The following ABCB5 variants were observed in gnomAD, a reference collection of about 807,000 sequenced individuals.
ABCB5 encodes ATP binding cassette subfamily B member 5, also known as ATP-binding cassette sub-family B member 5.
A neutral mutation model predicts 144.2 loss-of-function variants in ABCB5; 155 were observed. The ratio of observed to expected loss-of-function variants is 1.08; its 90% confidence interval spans 0.94 to 1.23. ABCB5 has a LOEUF of 1.23. ABCB5 is among the 50% of genes most tolerant of loss of function. ABCB5 has a pLI of 0.00. For missense variants in ABCB5, 1,830 were observed against 1,520.8 expected (o/e 1.20, Z -3.38); for synonymous variants, 610 against 528.6 (o/e 1.15, Z -2.11).
Position 20,755,565 on chromosome 7 carries a change from G to C in ABCB5, c.3715G>C (p.Glu1239Gln). ...GATAAAGGAACAAGGAACTCATCAA[G>C]AGCTCCTGAGAAATCGAGACATATA... ...GKIKEQGTHQ[E>Q]LLRNRDIYFK... Residue 1239 changes from glutamate (E) to glutamine (Q), a missense_variant, in exon 28 of 28, where the codon GAG becomes CAG. Transcript: ENST00000404938. 6.2e-7 allele frequency: 1 copy of C among 1,614,204 alleles called. No homozygotes were observed. Among genetic ancestry groups the C allele is most frequent in the Non-Finnish European group, 8.5e-7 (1 of 1,180,028 alleles).
intron 23 of ABCB5, among the ~76,000 whole-genome samples, chr7:20,733,544 A>C (rs1326037810): frequency 6.6e-6 from 1 of 151,972 alleles, no homozygotes; most frequent in African/African-American, 2.4e-5. Flanking sequence ...GAATAGTACC[A>C]CCTTGGTATT....
rs115223341 is a variant in ABCB5, at chr7:20,689,747, A to G, written c.2010+3911A>G. Reference sequence around the variant, plus strand: ...TAAGGAAGAAAAACCTCCTCCTGCAATGTCTTTGCGGCACCCTCTACTGAC... The same window carrying G: ...TAAGGAAGAAAAACCTCCTCCTGCAGTGTCTTTGCGGCACCCTCTACTGAC... On this transcript the variant is annotated intron_variant, in intron 16 of 27. Coordinates refer to ENST00000404938, the MANE Select transcript of ABCB5 (RefSeq NM_001163941.2). Among the ~76,000 whole-genome samples, 483 of 152,316 alleles carry G rather than the reference A, an allele frequency of 3.2e-3. 3 individuals are homozygous for G. Among genetic ancestry groups the G allele is most frequent in the African/African-American group, 0.011 (451 of 41,566 alleles).
chr7:20,656,137 T>A (rs756953694), intron 13 of ABCB5, among the ~76,000 whole-genome samples: 3 of 152,164 alleles, frequency 2.0e-5, no homozygotes, highest in Non-Finnish European at 4.4e-5. Context: ...CAAAAATTAA[T>A]TTGCCATAGA....
chr7:20,689,170 C>T (rs939203530), intron 16 of ABCB5, among the ~76,000 whole-genome samples: 2 of 152,012 alleles, frequency 1.3e-5, no homozygotes, highest in African/African-American at 4.8e-5. Flanking sequence ...CTAAAGAATA[C>T]AGAAGTAGCA....
chr7:20,652,345 A>T (rs1784622719), intron 13 of ABCB5, among the ~76,000 whole-genome samples: 1 of 152,216 alleles, frequency 6.6e-6, no homozygotes. Context: ...AGGTGGGCAG[A>T]TCACCTGAGG....
intron 20 of ABCB5, among the ~76,000 whole-genome samples, chr7:20,719,056 A>G (rs967243980): frequency 1.3e-5 from 2 of 152,234 alleles, no homozygotes; most frequent in African/African-American, 4.8e-5. Flanking sequence ...ATAAATCAGG[A>G]TACAAAACTG....
chr7:20,729,971 A>C (rs551965524), intron 23 of ABCB5, among the ~76,000 whole-genome samples: 384 of 152,350 alleles, frequency 2.5e-3, no homozygotes, highest in African/African-American at 8.6e-3. Flanking sequence ...AGACATTTAA[A>C]CCTAAGTAAT....
Position 20,742,893 on chromosome 7 carries a change from A to T in ABCB5, c.3041A>T (p.Asn1014Ile), listed in dbSNP as rs1554290466. 8 of 1,614,122 alleles carry T rather than the reference A, an allele frequency of 5.0e-6. No homozygotes were observed. Among genetic ancestry groups the T allele is most frequent in the Non-Finnish European group, 5.9e-6 (7 of 1,179,990 alleles). The change falls in exon 25 of 28, where the codon AAT (asparagine) becomes ATT (isoleucine). Residue 1014 changes from asparagine (N) to isoleucine (I), a missense_variant. Physicochemically the swap from Asn to Ile is moderately radical, Grantham distance 149. Coordinates refer to ENST00000404938, the MANE Select transcript of ABCB5 (RefSeq NM_001163941.2). ...EGKKPDTCEGNLEFREVSFFY... is the reference protein window; with the variant it reads ...EGKKPDTCEGILEFREVSFFY... ...CTTTCACAGGACACATGTGAAGGGA[A>T]TTTAGAGTTTCGAGAAGTCTCTTTC...
chr7:20,700,243 C>T (rs749501393), intron 19 of ABCB5, 108 bp downstream of exon 19: 1 of 1,005,590 alleles, frequency 9.9e-7, no homozygotes, highest in African/African-American at 1.6e-5. Context: ...TCTTTGAAAG[C>T]ACACTCTTTT....
chr7:20,634,086 T>G (rs1784097821), intron 5 of ABCB5, among the ~76,000 whole-genome samples: 1 of 152,064 alleles, frequency 6.6e-6, no homozygotes, highest in Non-Finnish European at 1.5e-5. Flanking sequence ...ATGTACACAT[T>G]ATTTAGCTCC....
rs540493122 is a variant in ABCB5 at position 20,657,965 on chromosome 7, CT to C, written c.1537-538del. 9.9e-5 allele frequency among the ~76,000 whole-genome samples: 15 copies of C among 152,272 alleles called. No homozygotes were observed. The South Asian group carries it at 2.9e-3, about 29-fold the overall frequency. On this transcript the variant is annotated intron_variant, in intron 13 of 27. Coordinates refer to ENST00000404938, the MANE Select transcript of ABCB5 (RefSeq NM_001163941.2). ...ACAAATATGGAAGACAAAATATCTACTTTGTTAAAGATAAATTTATTTTAAA... is the reference window on the plus strand; with the variant it reads ...ACAAATATGGAAGACAAAATATCTACTTGTTAAAGATAAATTTATTTTAAA...
At position 20,651,585 on chromosome 7, in the gene ABCB5, G is replaced by A; in HGVS notation, c.1498G>A (p.Glu500Lys). Residue 500 changes from glutamate to lysine, a missense_variant, in exon 13 of 28, where the codon GAA (glutamate) becomes AAA (lysine). Glu to Lys is a moderately conservative substitution (Grantham distance 56, BLOSUM62 1). Transcript: ENST00000404938. ...TGAAGAGATGGAGAGAGCAGCAAGG[G>A]AAGCAAATGCGTATGATTTTATCAT... ...TDEEMERAAR[E>K]ANAYDFIMEF... 2 of 1,614,096 alleles carry A rather than the reference G, an allele frequency of 1.2e-6. No homozygotes were observed. Among genetic ancestry groups the A allele is most frequent in the Non-Finnish European group, 1.7e-6 (2 of 1,179,978 alleles).
intron 14 of ABCB5, among the ~76,000 whole-genome samples, chr7:20,677,375 G>C (rs1785650883): frequency 6.6e-6 from 1 of 152,146 alleles, no homozygotes; most frequent in Admixed American, 6.5e-5. Context: ...ATTATAGTCT[G>C]ATTTTTAGTA....
chr7:20,620,170 G>A (rs1196237673), intron 1 of ABCB5, among the ~76,000 whole-genome samples: 1 of 152,058 alleles, frequency 6.6e-6, no homozygotes, highest in East Asian at 1.9e-4. Flanking sequence ...AGAAAGGACA[G>A]TCTATTTAAC....
rs1360650081 is a variant in ABCB5 at position 20,666,920 on chromosome 7, G to T, written c.1707+8244G>T. The stretch of plus-strand genomic sequence containing the variant: ...ATTTTCCTGATCAGTTTTTTAGCAG[G>T]CTTTGGCTGCCAAAATCTCTTCTGT... On this transcript the variant is annotated intron_variant, in intron 14 of 27. Transcript: ENST00000404938. 2.4e-6 allele frequency: 3 copies of T among 1,244,240 alleles called. No individual in the cohort carries two copies. The African/African-American group carries it at 4.7e-5, about 19-fold the overall frequency. 77.1% of individuals were successfully genotyped at this position (1,244,240 alleles called of 1,614,324 possible). A position where few individuals can be genotyped will look rare whatever the true frequency, so the allele number is the denominator to read the frequency against.
intron 23 of ABCB5, among the ~76,000 whole-genome samples, chr7:20,736,746 G>C (rs1031467453): frequency 1.3e-5 from 2 of 152,162 alleles, no homozygotes; most frequent in Admixed American, 1.3e-4. Flanking sequence ...ATAAATACTT[G>C]TTGAGTGGAA....
intron 20 of ABCB5, among the ~76,000 whole-genome samples, chr7:20,711,886 CTCCCTCCTTCCT>C (rs1787084247): frequency 8.9e-6 from 1 of 112,618 alleles, no homozygotes; most frequent in African/African-American, 3.5e-5. Flanking sequence ...CCCTCCCTCC[CTCCCTCCTTCCT>C]TCCTTCCTTC....
intron 16 of ABCB5, among the ~76,000 whole-genome samples, chr7:20,690,710 T>A (rs568749000): frequency 2.3e-4 from 35 of 152,052 alleles, no homozygotes; most frequent in Non-Finnish European, 4.1e-4. Flanking sequence ...TATAGATGGA[T>A]AAAAGAGTAG....
At chr7:20,619,060 C>T (rs992289604) in intron 1 of ABCB5, among the ~76,000 whole-genome samples, 2 of 152,088 alleles carry the variant, frequency 1.3e-5, no homozygotes, top group African/African-American at 4.8e-5. Flanking sequence ...CAGGCTTGAG[C>T]CACCATGCCC....
Sources: allele counts gnomAD v4.1 joint callset (sites outside exome capture counted in the v4.1 genomes callset), GRCh38; gene constraint gnomAD v4.1.1; transcripts MANE v1.5; gene names NCBI Gene and HGNC (gene_info 2026-07-23, HGNC 2026-07-21).